CTNNA2: variants seen among roughly 807,000 people sequenced by gnomAD.
The protein encoded by CTNNA2 is catenin alpha 2, also known as catenin alpha-2.
In CTNNA2, 42 loss-of-function variants were observed where a neutral mutation model predicts 101.0. The ratio of observed to expected loss-of-function variants is 0.42; its 90% CI spans 0.32 to 0.54. The LOEUF is 0.54. Ranked by LOEUF, CTNNA2 falls within the 20% of genes least tolerant of loss-of-function variation. The pLI is 0.14. For missense variants in CTNNA2, 871 were observed against 1,223.1 expected (o/e 0.71, Z 4.29); for synonymous variants, 450 against 456.4 (o/e 0.99, Z 0.18).
intron 2 of CTNNA2, among the ~76,000 whole-genome samples, chr2:79,691,113 T>C (rs1338331964): frequency 1.3e-5 from 2 of 151,998 alleles, no homozygotes; most frequent in African/African-American, 2.4e-5. Context: ...GACTGTTGAC[T>C]CTGTAAAACT....
At chr2:80,645,428 G>A (rs1408548353) in intron 18 of CTNNA2, among the ~76,000 whole-genome samples, 2 of 152,134 alleles carry the variant, frequency 1.3e-5, no homozygotes, top group Non-Finnish European at 2.9e-5. Flanking sequence ...TACCAAACTT[G>A]TGTATGACGG....
At chr2:79,501,060 TAC>T (rs1671313701) in intron 4 of CTNNA2, among the ~76,000 whole-genome samples, 3 of 152,206 alleles carry the variant, frequency 2.0e-5, no homozygotes, top group Admixed American at 1.3e-4. Flanking sequence ...ACCTCTAAAT[TAC>T]AGTCTATTGT....
At chr2:79,723,321 T>A (rs1402302622) in intron 2 of CTNNA2, among the ~76,000 whole-genome samples, 1 of 152,250 alleles carries the variant, frequency 6.6e-6, no homozygotes, top group Non-Finnish European at 1.5e-5. Flanking sequence ...GAGGAACTTT[T>A]CAGTTGCATT....
intron 1 of CTNNA2, among the ~76,000 whole-genome samples, chr2:79,192,037 C>T (rs535431897): frequency 2.6e-5 from 4 of 151,950 alleles, no homozygotes; most frequent in Admixed American, 6.5e-5. Context: ...GGTCAAGGTG[C>T]GAAGCTATTG....
chr2:79,242,031 T>G (rs1160390023), intron 2 of CTNNA2, among the ~76,000 whole-genome samples: 4 of 151,886 alleles, frequency 2.6e-5, no homozygotes, highest in Admixed American at 1.3e-4. Flanking sequence ...TCAGCCTCCC[T>G]AGTAGCTGGG....
At chr2:79,887,150 A>AGTGGCTGCC (rs1683942991) in intron 6 of CTNNA2, among the ~76,000 whole-genome samples, 1 of 151,012 alleles carries the variant, frequency 6.6e-6, no homozygotes, top group South Asian at 2.1e-4. Flanking sequence ...CTGTGGCTGC[A>AGTGGCTGCC]GTGGCTGCCG....
At chr2:79,913,598 C>A (rs1451063204) in intron 7 of CTNNA2, among the ~76,000 whole-genome samples, 2 of 152,130 alleles carry the variant, frequency 1.3e-5, no homozygotes, top group African/African-American at 4.8e-5. Flanking sequence ...GGTGAGGAGG[C>A]CCTGCGTCCC....
chr2:80,551,812 A>G (rs1692579797), intron 11 of CTNNA2, among the ~76,000 whole-genome samples: 2 of 152,184 alleles, frequency 1.3e-5, no homozygotes, highest in Admixed American at 1.3e-4. Flanking sequence ...TTGGAGTAGC[A>G]CTTTTAATTT....
intron 16 of CTNNA2, chr2:80,605,313 A>T (rs921398366): frequency 2.0e-5 from 3 of 152,136 alleles, no homozygotes; most frequent in Middle Eastern, 3.4e-3. Context: ...TATCCCTATA[A>T]GCAATAGTGA....
At chr2:80,301,945 C>T in intron 7 of CTNNA2, 1 of 264,040 alleles carries the variant, frequency 3.8e-6, no homozygotes, top group Non-Finnish European at 7.0e-6. Flanking sequence ...TGATTGGTAC[C>T]TTTTTTACAC....
intron 2 of CTNNA2, among the ~76,000 whole-genome samples, chr2:79,199,149 A>G (rs951130237): frequency 1.3e-5 from 2 of 152,256 alleles, no homozygotes; most frequent in Non-Finnish European, 2.9e-5. Context: ...ATAACCAGGA[A>G]CGGAATGCAA....
chr2:80,448,750 A>T (rs1683261170), intron 9 of CTNNA2, among the ~76,000 whole-genome samples: 1 of 152,158 alleles, frequency 6.6e-6, no homozygotes, highest in African/African-American at 2.4e-5. Flanking sequence ...AGCTGATAAA[A>T]TATCATGTAT....
At chr2:80,086,009 GT>G (rs1699418781) in intron 7 of CTNNA2, among the ~76,000 whole-genome samples, 1 of 152,000 alleles carries the variant, frequency 6.6e-6, no homozygotes, top group South Asian at 2.1e-4. Flanking sequence ...TCACCTATAT[GT>G]GCAGATATTT....
At chr2:79,194,401 A>G (rs2104166719) in intron 1 of CTNNA2, among the ~76,000 whole-genome samples, 1 of 152,340 alleles carries the variant, frequency 6.6e-6, no homozygotes, top group Non-Finnish European at 1.5e-5. Flanking sequence ...ATTCCATTTC[A>G]GACTACCTTA....
intron 3 of CTNNA2, among the ~76,000 whole-genome samples, chr2:79,799,008 T>G (rs1675939745): frequency 6.6e-6 from 1 of 152,198 alleles, no homozygotes; most frequent in South Asian, 2.1e-4. Context: ...ATTATCCTGC[T>G]ATAGTACATC....
intron 7 of CTNNA2, among the ~76,000 whole-genome samples, chr2:80,073,730 T>TCACA (rs3067109): frequency 0.12 from 15,352 of 130,320 alleles, 972 homozygotes; most frequent in Middle Eastern, 0.16. Context: ...TCTCTCTCTG[T>TCACA]CACACACACA....
At chr2:79,426,214 C>G (rs1330278266) in intron 4 of CTNNA2, among the ~76,000 whole-genome samples, 1 of 152,088 alleles carries the variant, frequency 6.6e-6, no homozygotes. Context: ...CAAACAAAGT[C>G]TTTGGTACTT....
chr2:79,594,763 A>T (rs933662125), intron 1 of CTNNA2, among the ~76,000 whole-genome samples: 1 of 152,004 alleles, frequency 6.6e-6, no homozygotes, highest in Admixed American at 6.6e-5. Context: ...TCTTTAATCT[A>T]TTCCTTGAAG....
At chr2:80,586,372 T>C (rs913230105) in intron 14 of CTNNA2, 12 of 152,174 alleles carry the variant, frequency 7.9e-5, no homozygotes, top group African/African-American at 2.9e-4. Context: ...GGATTGAACA[T>C]TGAGTCTGGG....
Sources: gnomAD v4.1 joint callset for allele counts (sites outside exome capture counted in the v4.1 genomes callset) on GRCh38, gnomAD v4.1.1 for gene constraint, MANE v1.5 for transcripts, NCBI Gene and HGNC (gene_info 2026-07-23, HGNC 2026-07-21) for gene names.